Variants in TTC7B observed in about 807,000 individuals in gnomAD.
TTC7B encodes the protein tetratricopeptide repeat protein 7B.
A neutral mutation model predicts 106.8 loss-of-function variants in TTC7B; 28 were observed. That is an observed-to-expected ratio of 0.26 (90% confidence interval 0.19 to 0.36). The LOEUF is 0.36. TTC7B is among the 10% of genes least tolerant of loss of function. The probability of loss-of-function intolerance (pLI) is 1.00; values close to 1 mark genes in which losing one functional copy is unlikely to be tolerated. For missense variants in TTC7B, 862 were observed against 1,076.4 expected, an observed-to-expected ratio of 0.80 and a Z score of 2.79; for synonymous variants, 405 against 430.6, an observed-to-expected ratio of 0.94 and a Z score of 0.74.
intron 9 of TTC7B, among the ~76,000 whole-genome samples, chr14:90,669,566 TA>T (rs35437174): frequency 0.25 from 38,230 of 150,630 alleles, 5,327 homozygotes; most frequent in African/African-American, 0.35. Flanking sequence ...GTGGTATCTC[TA>T]AAAATATAGC....
In TTC7B at chr14:90,527,877, A is replaced by G. The variant is rs530040382; in HGVS notation, c.*13491T>C. The G allele has an allele frequency of 6.6e-6, 1 of 151,448 alleles. No individual in the cohort carries two copies. The highest frequency in any genetic ancestry group is 2.1e-4 in the South Asian group (1 of 4,744). 9.4% of individuals were successfully genotyped at this position (151,448 alleles called of 1,614,324 possible). A position where few individuals can be genotyped will look rare whatever the true frequency, so the allele number is the denominator to read the frequency against. On this transcript the variant is annotated 3_prime_UTR_variant, in exon 20 of 20. Coordinates refer to ENST00000328459, the MANE Select transcript of TTC7B (RefSeq NM_001010854.2). ...CCTGGCAGATGTGACTCACTTTATG[A>G]TCACATCACAAGCTAAAGGAAAATG...
At chr14:90,651,560 A>ATG (rs1227089818) in intron 13 of TTC7B, among the ~76,000 whole-genome samples, 1 of 152,262 alleles carries the variant, frequency 6.6e-6, no homozygotes, top group Admixed American at 6.5e-5. Flanking sequence ...TTAAGCATCC[A>ATG]TGTGTGGGTT....
intron 1 of TTC7B, among the ~76,000 whole-genome samples, chr14:90,794,301 A>T (rs144264746): frequency 0.016 from 2,251 of 142,886 alleles, 60 homozygotes; most frequent in African/African-American, 0.059. Context: ...ATCTCGGCTC[A>T]CTGCAACCTC....
chr14:90,550,605 T>C (rs1394401394), intron 19 of TTC7B, among the ~76,000 whole-genome samples: 1 of 152,240 alleles, frequency 6.6e-6, no homozygotes, highest in Non-Finnish European at 1.5e-5. Context: ...AAGTCTCTTC[T>C]GCAAATGTAT....
chr14:90,669,247 T>C lies in TTC7B; in HGVS notation c.1152+7276A>G, dbSNP rs868060477. 1.4e-4 allele frequency among the ~76,000 whole-genome samples: 21 copies of C among 152,214 alleles called. No individual in the cohort carries two copies. The South Asian group carries it at 1.9e-3, about 14-fold the overall frequency. On this transcript the variant is annotated intron_variant, in intron 9 of 19. Coordinates refer to ENST00000328459, the MANE Select transcript of TTC7B (RefSeq NM_001010854.2). ...AAACAGCTCAAATATAAGAGCAAAATTGTAAAATCCTTAGAGGAAAACAAA... is the reference window on the plus strand; with the variant it reads ...AAACAGCTCAAATATAAGAGCAAAACTGTAAAATCCTTAGAGGAAAACAAA...
chr14:90,537,361 T>G lies in TTC7B; in HGVS notation c.*4007A>C, dbSNP rs1192257973. 1 of 91,992 alleles carries G rather than the reference T, an allele frequency of 1.1e-5. No individual in the cohort carries two copies. The highest frequency in any genetic ancestry group is 2.2e-5 in the Non-Finnish European group (1 of 45,136). 5.7% of individuals were successfully genotyped at this position (91,992 alleles called of 1,614,324 possible). A position where few individuals can be genotyped will look rare whatever the true frequency, so the allele number is the denominator to read the frequency against. ...GCCACCAAACCTGGCTATTTTTTTTTTTTTGTAGAGATGGGGGGGGGGTCT... is the reference window on the plus strand; with the variant it reads ...GCCACCAAACCTGGCTATTTTTTTTGTTTTGTAGAGATGGGGGGGGGGTCT... On this transcript the variant is annotated 3_prime_UTR_variant, in exon 20 of 20. Transcript: ENST00000328459.
At position 90,535,242 on chromosome 14, in the gene TTC7B, T is replaced by C. The variant is rs1335126699; in HGVS notation, c.*6126A>G. On this transcript the variant is annotated 3_prime_UTR_variant, in exon 20 of 20. Transcript: ENST00000328459. ...GGAAGTGGCCTGCCCCGGCCACACC[T>C]GCCCAGGCCCCCAGCCTGGCTCTGT... 1 of 152,326 alleles carries C rather than the reference T, an allele frequency of 6.6e-6. No homozygotes were observed. The highest frequency in any genetic ancestry group is 1.5e-5 in the Non-Finnish European group (1 of 68,134). 9.4% of individuals were successfully genotyped at this position (152,326 alleles called of 1,614,324 possible).
intron 9 of TTC7B, among the ~76,000 whole-genome samples, chr14:90,670,497 T>C (rs987492006): frequency 6.6e-6 from 1 of 152,110 alleles, no homozygotes; most frequent in Non-Finnish European, 1.5e-5. Flanking sequence ...AAGGTTAACA[T>C]GGCATATTAA....
chr14:90,743,117 A>C (rs1305086859), intron 4 of TTC7B, among the ~76,000 whole-genome samples: 1 of 152,238 alleles, frequency 6.6e-6, no homozygotes, highest in African/African-American at 2.4e-5. Flanking sequence ...TCTGAATAAC[A>C]ACAACAAATT....
chr14:90,782,807 C>G (rs1167626824), intron 2 of TTC7B, among the ~76,000 whole-genome samples: 1 of 152,090 alleles, frequency 6.6e-6, no homozygotes, highest in Non-Finnish European at 1.5e-5. Context: ...GAGGTTCGCT[C>G]TGGGAAGATG....
chr14:90,541,989 G>A (rs1195304501), intron 19 of TTC7B, among the ~76,000 whole-genome samples: 1 of 152,220 alleles, frequency 6.6e-6, no homozygotes, highest in Admixed American at 6.5e-5. Flanking sequence ...ATCCAGGCTG[G>A]AGTGCAGTGG....
chr14:90,623,492 A>T (rs61987025), intron 15 of TTC7B, among the ~76,000 whole-genome samples: 588 of 152,304 alleles, frequency 3.9e-3, no homozygotes, highest in Non-Finnish European at 5.7e-3. Flanking sequence ...AAACTCCAAA[A>T]TGTGCAAAGC....
intron 19 of TTC7B, among the ~76,000 whole-genome samples, chr14:90,546,950 G>A (rs1036132713): frequency 2.0e-5 from 3 of 152,204 alleles, no homozygotes; most frequent in South Asian, 2.1e-4. Flanking sequence ...GGTAGCTAGC[G>A]GCAGAGCTGA....
chr14:90,589,910 G>A (rs1891883422), intron 18 of TTC7B, among the ~76,000 whole-genome samples: 1 of 152,080 alleles, frequency 6.6e-6, no homozygotes. Flanking sequence ...GTTAAATGAT[G>A]GTCTAACCAT....
At chr14:90,718,162 G>A (rs747018406) in intron 5 of TTC7B, among the ~76,000 whole-genome samples, 2 of 152,214 alleles carry the variant, frequency 1.3e-5, no homozygotes, top group Non-Finnish European at 2.9e-5. Flanking sequence ...TCTTAAAAAA[G>A]TTCAAGTCTG....
Position 90,566,508 on chromosome 14 carries a change from C to A in TTC7B, c.2310+11598G>T, listed in dbSNP as rs74495298. Among the ~76,000 whole-genome samples, 28 of 152,136 alleles carry A rather than the reference C, an allele frequency of 1.8e-4. No homozygotes were observed. The East Asian group carries it at 3.9e-3, about 21-fold the overall frequency. The stretch of plus-strand genomic sequence containing the variant: ...CCTCCTTCACAAGCCCTTGGGGTGA[C>A]TGACTAGTTGATGTTCTGAAAGACT... On this transcript the variant is annotated intron_variant, in intron 19 of 19. Transcript: ENST00000328459.
chr14:90,706,253 C>A (rs1441801338), intron 5 of TTC7B, among the ~76,000 whole-genome samples: 3 of 151,700 alleles, frequency 2.0e-5, no homozygotes, highest in African/African-American at 4.9e-5. Flanking sequence ...AGCTCCACCT[C>A]CCGGGTTCAC....
chr14:90,674,082 C>CCTAACCTGAA (rs1555388319), intron 9 of TTC7B, among the ~76,000 whole-genome samples: 2 of 151,398 alleles, frequency 1.3e-5, no homozygotes, highest in Non-Finnish European at 2.9e-5. Flanking sequence ...AGGTTTGTTA[C>CCTAACCTGAA]GTGAATTGTA....
Position 90,570,794 on chromosome 14 carries a change from A to C in TTC7B, c.2310+7312T>G, listed in dbSNP as rs990371254. ...TTTGCGGAGTGTGAGGCACCCTGCT[A>C]ACTCATTTAACCCGCACAGCAACAC... On this transcript the variant is annotated intron_variant, in intron 19 of 19. Transcript: ENST00000328459. The surrounding 1 kb of genome is among the most constrained non-coding windows in gnomAD (Gnocchi z 4.0). Among the ~76,000 whole-genome samples the C allele has an allele frequency of 2.6e-5, 4 of 152,110 alleles. No individual in the cohort carries two copies. Among genetic ancestry groups the C allele is most frequent in the African/African-American group, 7.2e-5 (3 of 41,380 alleles).
Sources: allele counts gnomAD v4.1 joint callset (sites outside exome capture counted in the v4.1 genomes callset), GRCh38; gene constraint gnomAD v4.1.1; non-coding constraint Gnocchi (gnomAD v3.1); transcripts MANE v1.5; gene names NCBI Gene and HGNC (gene_info 2026-07-23, HGNC 2026-07-21).